EHD2: variants seen among roughly 807,000 people sequenced by gnomAD.
The protein encoded by EHD2 is EH domain containing 2.
A neutral mutation model predicts 41.0 loss-of-function variants in EHD2; 27 were observed. The ratio of observed to expected loss-of-function variants is 0.66; its 90% confidence interval spans 0.49 to 0.91. The LOEUF is 0.91. Ranked by LOEUF, EHD2 falls within the 40% of genes least tolerant of loss-of-function variation. The pLI is 0.00. For synonymous variants in EHD2, 342 were observed against 341.0 expected (o/e 1.00, Z -0.03); for missense variants, 673 against 773.9 (o/e 0.87, Z 1.55).
rs199754199 is a variant in EHD2, at chr19:47,716,669, C to T, written c.57C>T (p.Arg19=). ...GARGQQPEAI[R]TVTSALKELY... ...GGGGCCAGCAGCCCGAGGCCATCCG[C>T]ACGGTGACCTCGGCCCTCAAGGAGC... The change falls in exon 2 of 6, where the codon CGC becomes CGT. Residue 19 remains arginine, a synonymous_variant. Coordinates refer to ENST00000263277, the MANE Select transcript of EHD2 (RefSeq NM_014601.4). 3.8e-5 allele frequency: 61 copies of T among 1,599,962 alleles called. 2 individuals are homozygous for T. In the East Asian group the frequency reaches 1.3e-3, roughly 33 times the overall value.
chr19:47,723,248 G>A (rs1228574991), intron 3 of EHD2, among the ~76,000 whole-genome samples: 1 of 152,198 alleles, frequency 6.6e-6, no homozygotes, highest in East Asian at 1.9e-4. Flanking sequence ...ACACAGCAGG[G>A]ACCACAGAGG....
chr19:47,723,916 C>T (rs1973723641), intron 3 of EHD2, among the ~76,000 whole-genome samples: 1 of 152,044 alleles, frequency 6.6e-6, no homozygotes, highest in Admixed American at 6.6e-5. Context: ...AACTCCCAGG[C>T]TCAAGCGATC....
Position 47,743,070 on chromosome 19 carries a change from G to C in EHD2, c.*1638G>C, listed in dbSNP as rs1449112195. The C allele has an allele frequency of 2.0e-5, 3 of 152,466 alleles. No homozygotes were observed. Among genetic ancestry groups the C allele is most frequent in the African/African-American group, 7.2e-5 (3 of 41,448 alleles). 9.4% of individuals were successfully genotyped at this position (152,466 alleles called of 1,614,324 possible). A position where few individuals can be genotyped will look rare whatever the true frequency, so the allele number is the denominator to read the frequency against. ...GCCCACCACTGTCCCCCACCCCATG[G>C]CTGGGAGGGGCCTCTGAACGGAACA... is the stretch of plus-strand genomic sequence containing the variant. On this transcript the variant is annotated 3_prime_UTR_variant, in exon 6 of 6. Transcript: ENST00000263277.
At chr19:47,737,256 A>C (rs1455821282) in intron 5 of EHD2, among the ~76,000 whole-genome samples, 1 of 151,086 alleles carries the variant, frequency 6.6e-6, no homozygotes, top group East Asian at 1.9e-4. Context: ...AAAGAAAAGG[A>C]AGTTGGGAAG....
rs1458712350 is a variant in EHD2, at chr19:47,741,956, T to C, written c.*524T>C. 4.4e-6 allele frequency: 2 copies of C among 455,654 alleles called. No individual in the cohort carries two copies. The highest frequency in any genetic ancestry group is 8.8e-6 in the Non-Finnish European group (2 of 226,790). 28.2% of individuals were successfully genotyped at this position (455,654 alleles called of 1,614,324 possible). On this transcript the variant is annotated 3_prime_UTR_variant, in exon 6 of 6. Transcript: ENST00000263277. The surrounding 1 kb of genome is among the most constrained non-coding windows in gnomAD (Gnocchi z 4.5). ...TAAACAGACCCCCTTCTGCTCCGCTTCCTCCTGCCCAGCCAGGCAACACCC... is the reference window on the plus strand; with the variant it reads ...TAAACAGACCCCCTTCTGCTCCGCTCCCTCCTGCCCAGCCAGGCAACACCC...
intron 5 of EHD2, 67 bp from the exon 6 acceptor site, chr19:47,740,814 C>T: frequency 6.5e-7 from 1 of 1,544,820 alleles, no homozygotes; most frequent in Non-Finnish European, 8.7e-7. Flanking sequence ...CCTGATACCA[C>T]CTTGCAGCCT....
At chr19:47,733,236 G>A in intron 4 of EHD2, 1 of 150,508 alleles carries the variant, frequency 6.6e-6, no homozygotes, top group African/African-American at 2.4e-5. Context: ...CCCTTCTGGG[G>A]CTCCTTTTTT....
rs963586124 is a variant in EHD2 at position 47,741,163 on chromosome 19, G to C, written c.1363G>C (p.Glu455Gln). The C allele has an allele frequency of 6.2e-7, 1 of 1,613,364 alleles. No homozygotes were observed. Among genetic ancestry groups the C allele is most frequent in the Admixed American group, 1.7e-5 (1 of 60,024 alleles). Residue 455 changes from glutamate to glutamine, a missense_variant, in exon 6 of 6, where the codon GAG becomes CAG. Physicochemically the swap from Glu to Gln is conservative, Grantham distance 29. Transcript: ENST00000263277. The surrounding 1 kb of genome is among the most constrained non-coding windows in gnomAD (Gnocchi z 4.5). ...VVTKDKSKYD[E>Q]IFYNLAPADG... ...GACCAAGGACAAGTCCAAATACGAC[G>C]AGATCTTCTACAACCTGGCGCCTGC...
chr19:47,739,515 C>T (rs1414620452), intron 5 of EHD2, among the ~76,000 whole-genome samples: 1 of 146,688 alleles, frequency 6.8e-6, no homozygotes. Context: ...CCAGGAGAAT[C>T]GCTTGAACCC....
chr19:47,723,652 T>TG (rs1555793508), intron 3 of EHD2, among the ~76,000 whole-genome samples: 2 of 52,732 alleles, frequency 3.8e-5, no homozygotes, highest in African/African-American at 1.1e-4. Context: ...AGACTCCGTC[T>TG]GAAAAAAAAA....
chr19:47,716,828 C>T lies in EHD2; in HGVS notation c.216C>T (p.Thr72=), dbSNP rs747498777. The T allele has an allele frequency of 6.2e-6, 10 of 1,609,382 alleles. No individual in the cohort carries two copies. The East Asian group carries it at 2.2e-4, about 36-fold the overall frequency. ...CCGGCCAGTACAGCACGGGCAAGAC[C>T]AGCTTCATCCAGTACCTGCTGGAGC... The part of the protein sequence containing the change: ...LVAGQYSTGK[T]SFIQYLLEQE... Residue 72 remains threonine (T), a synonymous_variant, in exon 2 of 6, where the codon ACC becomes ACT. Coordinates refer to ENST00000263277, the MANE Select transcript of EHD2 (RefSeq NM_014601.4).
intron 1 of EHD2, among the ~76,000 whole-genome samples, chr19:47,714,738 T>TA (rs1472502442): frequency 1.3e-5 from 2 of 151,944 alleles, no homozygotes; most frequent in Non-Finnish European, 2.9e-5. Flanking sequence ...TTTGCCTTGT[T>TA]AAAAAAGCAG....
Position 47,718,583 on chromosome 19 carries a change from G to A in EHD2, c.479G>A (p.Gly160Asp), listed in dbSNP as rs893067223. The change falls in exon 3 of 6, where the codon GGT (glycine) becomes GAT (aspartate). Residue 160 changes from glycine to aspartate, a missense_variant. Physicochemically the swap from Gly to Asp is moderately conservative, Grantham distance 94. Transcript: ENST00000263277. ...ATCGACACCCCGGGTATCCTGTCGG[G>A]TGCCAAGCAGAGAGTGAGCCGCGGT... ...SIIDTPGILSGAKQRVSRGYD... is the reference protein window; with the variant it reads ...SIIDTPGILSDAKQRVSRGYD... 1.9e-6 allele frequency: 3 copies of A among 1,573,908 alleles called. No individual in the cohort carries two copies. The highest frequency in any genetic ancestry group is 2.6e-6 in the Non-Finnish European group (3 of 1,159,206).
intron 4 of EHD2, among the ~76,000 whole-genome samples, chr19:47,733,771 A>AAAAAAAAAAAAAAAAAAC (rs1568592556): frequency 6.7e-6 from 1 of 149,786 alleles, no homozygotes; most frequent in Non-Finnish European, 1.5e-5. Context: ...AAAAAAAAAA[A>AAAAAAAAAAAAAAAAAAC]AAAATCCACT....
chr19:47,730,882 C>T (rs1331817191), intron 4 of EHD2, among the ~76,000 whole-genome samples: 2 of 152,128 alleles, frequency 1.3e-5, no homozygotes, highest in Non-Finnish European at 1.5e-5. Context: ...CTCCTCTAGG[C>T]TCTGGGGATA....
At chr19:47,731,043 AG>A (rs1973801807) in intron 4 of EHD2, among the ~76,000 whole-genome samples, 1 of 151,524 alleles carries the variant, frequency 6.6e-6, no homozygotes, top group Non-Finnish European at 1.5e-5. Flanking sequence ...AAGGAGAGGA[AG>A]GGGTAAGAGG....
chr19:47,734,866 A>G (rs1966905319), intron 4 of EHD2, among the ~76,000 whole-genome samples: 1 of 152,068 alleles, frequency 6.6e-6, no homozygotes, highest in Non-Finnish European at 1.5e-5. Flanking sequence ...CAGTCTGGCC[A>G]ACATGGTGAA....
At chr19:47,727,526 G>C (rs547657989) in intron 4 of EHD2, among the ~76,000 whole-genome samples, 1 of 151,840 alleles carries the variant, frequency 6.6e-6, no homozygotes, top group Non-Finnish European at 1.5e-5. Context: ...TTATAAGCTA[G>C]TCAAATTTAG....
chr19:47,731,293 TATATATATAC>T (rs1973811026), intron 4 of EHD2: 2 of 89,942 alleles, frequency 2.2e-5, no homozygotes, highest in South Asian at 4.7e-4. Context: ...TATATATATA[TATATATATAC>T]ATATATATAT....
Sources: gnomAD v4.1 joint callset for allele counts (sites outside exome capture counted in the v4.1 genomes callset) on GRCh38, gnomAD v4.1.1 for gene constraint, Gnocchi (gnomAD v3.1) non-coding constraint, MANE v1.5 for transcripts, NCBI Gene and HGNC (gene_info 2026-07-23, HGNC 2026-07-21) for gene names.